PHLDB1: variants seen among roughly 807,000 people sequenced by gnomAD.
PHLDB1 encodes pleckstrin homology like domain family B member 1.
In PHLDB1, 65 loss-of-function variants were observed where a neutral mutation model predicts 139.3. The ratio of observed to expected loss-of-function variants is 0.47; its 90% CI spans 0.38 to 0.57. PHLDB1 has a LOEUF of 0.57. Ranked by LOEUF, PHLDB1 falls within the 20% of genes least tolerant of loss-of-function variation. The pLI is 0.00. For synonymous variants in PHLDB1, 679 were observed against 734.5 expected, an observed-to-expected ratio of 0.92 and a Z score of 1.22; for missense variants, 1,624 against 1,839.7, an observed-to-expected ratio of 0.88 and a Z score of 2.14.
rs1555114639 is a variant in PHLDB1 at position 118,635,450 on chromosome 11, T to C, written c.2437T>C (p.Leu813=). 1 of 1,611,864 alleles carries C rather than the reference T, an allele frequency of 6.2e-7. No homozygotes were observed. Among genetic ancestry groups the C allele is most frequent in the Admixed American group, 1.7e-5 (1 of 59,496 alleles). ...KLFEDLEFQQ[L]ERESRVEEER... ...CTTTGAGGACTTGGAGTTCCAGCAG[T>C]TGGAGCGGGAGAGCCGCGTGGAGGA... The change falls in exon 10 of 23, where the codon TTG becomes CTG. Residue 813 remains leucine, a synonymous_variant. Coordinates refer to ENST00000600882, the MANE Select transcript of PHLDB1 (RefSeq NM_001144758.3).
chr11:118,639,963 A>T, intron 12 of PHLDB1: 1 of 985,682 alleles, frequency 1.0e-6, no homozygotes, highest in Non-Finnish European at 1.2e-6. Context: ...TGTCTCTTTA[A>T]CCCCACCTGC....
Position 118,620,460 on chromosome 11 carries a change from C to A in PHLDB1, c.355+4249C>A, listed in dbSNP as rs562204676. Among the ~76,000 whole-genome samples, 1 of 152,352 alleles carries A rather than the reference C, an allele frequency of 6.6e-6. No individual in the cohort carries two copies. The highest frequency in any genetic ancestry group is 1.5e-5 in the Non-Finnish European group (1 of 68,034). The stretch of plus-strand genomic sequence containing the variant: ...TGAGCCGAGATCGCACCATTGCACT[C>A]CAGCCTGGGCAACAAGAATGAAACT... On this transcript the variant is annotated intron_variant, in intron 4 of 22. Coordinates refer to ENST00000600882, the MANE Select transcript of PHLDB1 (RefSeq NM_001144758.3). The surrounding 1 kb of genome is among the most constrained non-coding windows in gnomAD (Gnocchi z 4.1).
At position 118,611,831 on chromosome 11, in the gene PHLDB1, A is replaced by T. The variant is rs1015808026; in HGVS notation, c.-21-1985A>T. Among the ~76,000 whole-genome samples, 216 of 147,702 alleles carry T rather than the reference A, an allele frequency of 1.5e-3. 1 individual carries two copies. Among genetic ancestry groups the T allele is most frequent in the African/African-American group, 4.9e-3 (200 of 40,906 alleles). On this transcript the variant is annotated intron_variant, in intron 1 of 22. Transcript: ENST00000600882. This position sits in a 1 kb window ranked among gnomAD's most constrained non-coding sequence, Gnocchi z 4.7. ...GAAACTCCGTCTCAAAAAAAAAAAAAAAATAATAATAATAATAATAAATGG... is the reference window on the plus strand; with the variant it reads ...GAAACTCCGTCTCAAAAAAAAAAAATAAATAATAATAATAATAATAAATGG...
At position 118,628,672 on chromosome 11, in the gene PHLDB1, T is replaced by C. The variant is rs564038763; in HGVS notation, c.1827+22T>C. 4.1e-5 allele frequency: 65 copies of C among 1,594,912 alleles called. 1 individual carries two copies. In the South Asian group the frequency reaches 6.5e-4, roughly 16 times the overall value. The stretch of plus-strand genomic sequence containing the variant: ...GCTGGTGAGCGGGTGCCAGGGAGGC[T>C]TGCCACTGTCCATGGCAGAGTCTCT... On this transcript the variant is annotated intron_variant, in intron 6 of 22. Transcript: ENST00000600882.
At chr11:118,614,773 C>A in intron 3 of PHLDB1, 91 bp downstream of exon 3, 1 of 1,348,510 alleles carries the variant, frequency 7.4e-7, no homozygotes, top group Non-Finnish European at 1.0e-6. Context: ...TGTTGGGGCC[C>A]TTCTACTGTC....
chr11:118,635,424 T>C lies in PHLDB1; in HGVS notation c.2411T>C (p.Leu804Pro), dbSNP rs200089058. ...GAGGCCCTGGAGACTGAGACAAAGC[T>C]CTTTGAGGACTTGGAGTTCCAGCAG... ...EAEALETETK[L>P]FEDLEFQQLE... is the part of the protein sequence containing the mutation. The change falls in exon 10 of 23, where the codon CTC becomes CCC. Residue 804 changes from leucine (L) to proline (P), a missense_variant. Coordinates refer to ENST00000600882, the MANE Select transcript of PHLDB1 (RefSeq NM_001144758.3). 1 of 1,608,992 alleles carries C rather than the reference T, an allele frequency of 6.2e-7. No individual in the cohort carries two copies. Among genetic ancestry groups the C allele is most frequent in the Admixed American group, 1.7e-5 (1 of 58,854 alleles).
In PHLDB1 at chr11:118,608,954, AC is replaced by A. The variant is rs1166483747; in HGVS notation, c.-22+1258del. ...CACACACAACCCAGCTCACACACGT[AC>A]CCGTCACACATGAGGCCCCAGCTCA... On this transcript the variant is annotated intron_variant, in intron 1 of 22. Coordinates refer to ENST00000600882, the MANE Select transcript of PHLDB1 (RefSeq NM_001144758.3). The surrounding 1 kb of genome is among the most constrained non-coding windows in gnomAD (Gnocchi z 6.7). Among the ~76,000 whole-genome samples the A allele has an allele frequency of 1.3e-5, 2 of 149,544 alleles. No individual in the cohort carries two copies. The highest frequency in any genetic ancestry group is 5.0e-5 in the African/African-American group (2 of 40,288).
At chr11:118,624,615 TTTTG>T in intron 4 of PHLDB1, 1 of 148,710 alleles carries the variant, frequency 6.7e-6, no homozygotes, top group Non-Finnish European at 1.5e-5. Context: ...TTTTTTTTTT[TTTTG>T]AGACAGAGTT....
At position 118,607,660 on chromosome 11, in the gene PHLDB1, CT is replaced by C. The variant is rs1939386392; in HGVS notation, c.-60del. The C allele has an allele frequency of 6.6e-6, 1 of 150,862 alleles. No individual in the cohort carries two copies. Among genetic ancestry groups the C allele is most frequent in the Non-Finnish European group, 1.5e-5 (1 of 68,074 alleles). 9.3% of individuals were successfully genotyped at this position (150,862 alleles called of 1,614,324 possible). On this transcript the variant is annotated 5_prime_UTR_variant, in exon 1 of 23. Coordinates refer to ENST00000600882, the MANE Select transcript of PHLDB1 (RefSeq NM_001144758.3). Reference sequence around the variant, plus strand: ...GCCACCGCGACCGAGCCGAGCCAGGCTAAGGGACCAGTGTCTCCCTGCCCCC... The same window carrying C: ...GCCACCGCGACCGAGCCGAGCCAGGCAAGGGACCAGTGTCTCCCTGCCCCC...
At chr11:118,634,025 T>C (rs633683) in intron 9 of PHLDB1, 89,264 of 152,122 alleles carry the variant, frequency 0.59, 26,643 homozygotes, top group Admixed American at 0.72. Flanking sequence ...AGGGTTCACT[T>C]GGCTTCCCTC....
rs1555080640 is a variant in PHLDB1, at chr11:118,608,414, C to T, written c.-22+715C>T. ...GAGGCTGACCCAAGTCATCCGGGCTCCCCCGGGATAGGGAAGTGCGGGCGG... is the reference window on the plus strand; with the variant it reads ...GAGGCTGACCCAAGTCATCCGGGCTTCCCCGGGATAGGGAAGTGCGGGCGG... On this transcript the variant is annotated intron_variant, in intron 1 of 22. Transcript: ENST00000600882. This position sits in a 1 kb window ranked among gnomAD's most constrained non-coding sequence, Gnocchi z 6.7. Among the ~76,000 whole-genome samples the T allele has an allele frequency of 6.6e-6, 1 of 152,180 alleles. No individual in the cohort carries two copies. Among genetic ancestry groups the T allele is most frequent in the African/African-American group, 2.4e-5 (1 of 41,442 alleles).
At chr11:118,639,491 T>C (rs1006368206) in intron 12 of PHLDB1, 9 of 518,834 alleles carry the variant, frequency 1.7e-5, no homozygotes, top group African/African-American at 1.6e-4. Context: ...TTTTGGTGGC[T>C]GAATATATGT....
chr11:118,610,335 C>T lies in PHLDB1; in HGVS notation c.-22+2636C>T. ...CGTCCCCCTCCCCACTCGGGCGTCCCCCGCTGGGCTCCCCGCCTCAGTTTC... is the reference window on the plus strand; with the variant it reads ...CGTCCCCCTCCCCACTCGGGCGTCCTCCGCTGGGCTCCCCGCCTCAGTTTC... On this transcript the variant is annotated intron_variant, in intron 1 of 22. Coordinates refer to ENST00000600882, the MANE Select transcript of PHLDB1 (RefSeq NM_001144758.3). This position sits in a 1 kb window ranked among gnomAD's most constrained non-coding sequence, Gnocchi z 8.7. 2.1e-6 allele frequency: 1 copy of T among 473,104 alleles called. No individual in the cohort carries two copies. Among genetic ancestry groups the T allele is most frequent in the Non-Finnish European group, 2.8e-6 (1 of 361,352 alleles). 29.3% of individuals were successfully genotyped at this position (473,104 alleles called of 1,614,324 possible).
Position 118,650,106 on chromosome 11 carries a change from C to T in PHLDB1, c.3684C>T (p.Ile1228=), listed in dbSNP as rs1948139009. Residue 1228 remains isoleucine (I), a synonymous_variant, in exon 19 of 23, where the codon ATC becomes ATT. Coordinates refer to ENST00000600882, the MANE Select transcript of PHLDB1 (RefSeq NM_001144758.3). The surrounding 1 kb of genome is among the most constrained non-coding windows in gnomAD (Gnocchi z 4.7). The part of the protein sequence containing the change: ...QARPLTRYLP[I]RKEDFDLKTH... Reference sequence around the variant, plus strand: ...GACCCCTGACCCGCTACCTGCCAATCCGGAAGGAGGACTTTGACCTGAAGA... The same window carrying T: ...GACCCCTGACCCGCTACCTGCCAATTCGGAAGGAGGACTTTGACCTGAAGA... 1.2e-6 allele frequency: 2 copies of T among 1,614,082 alleles called. No individual in the cohort carries two copies. The highest frequency in any genetic ancestry group is 1.1e-5 in the South Asian group (1 of 91,096).
At chr11:118,647,667 A>T (rs1555130383) in intron 17 of PHLDB1, 1 of 259,766 alleles carries the variant, frequency 3.8e-6, no homozygotes, top group Non-Finnish European at 7.3e-6. Context: ...TGAGCGAGAT[A>T]AAAAAAAAAG....
rs1939450611 is a variant in PHLDB1 at position 118,608,042 on chromosome 11, C to T, written c.-22+343C>T. On this transcript the variant is annotated intron_variant, in intron 1 of 22. Transcript: ENST00000600882. The surrounding 1 kb of genome is among the most constrained non-coding windows in gnomAD (Gnocchi z 6.7). ...ACCCAGGCGGCCGGGCGGACACTCG[C>T]GGGGTATCGGGCGGCGAGCGCGCGC... 6.6e-6 allele frequency among the ~76,000 whole-genome samples: 1 copy of T among 152,072 alleles called. No individual in the cohort carries two copies. The highest frequency in any genetic ancestry group is 1.5e-5 in the Non-Finnish European group (1 of 67,982).
At position 118,632,360 on chromosome 11, in the gene PHLDB1, C is replaced by A; in HGVS notation, c.2379+64C>A. 3 of 1,535,824 alleles carry A rather than the reference C, an allele frequency of 2.0e-6. No individual in the cohort carries two copies. Among genetic ancestry groups the A allele is most frequent in the Non-Finnish European group, 2.7e-6 (3 of 1,113,086 alleles). ...TGGCCTGGGAGAGAAGGAGAAATGT[C>A]TTCTCTGGGGCCCTGTACCCTTCAC... is the stretch of plus-strand genomic sequence containing the variant. On this transcript the variant is annotated intron_variant, in intron 9 of 22. Coordinates refer to ENST00000600882, the MANE Select transcript of PHLDB1 (RefSeq NM_001144758.3). The surrounding 1 kb of genome is among the most constrained non-coding windows in gnomAD (Gnocchi z 5.9).
Position 118,644,616 on chromosome 11 carries a change from C to G in PHLDB1, c.3121+442C>G, listed in dbSNP as rs782253947. 1.5e-5 allele frequency: 19 copies of G among 1,277,996 alleles called. No homozygotes were observed. In the South Asian group the frequency reaches 2.4e-4, roughly 16 times the overall value. 79.2% of individuals were successfully genotyped at this position (1,277,996 alleles called of 1,614,324 possible). ...CCTCTTACCCCCTCTGTGTCTCTAC[C>G]GTACCCTCTGCCTGGGGTCCCCCAC... On this transcript the variant is annotated intron_variant, in intron 15 of 22. Coordinates refer to ENST00000600882, the MANE Select transcript of PHLDB1 (RefSeq NM_001144758.3).
intron 18 of PHLDB1, among the ~76,000 whole-genome samples, chr11:118,648,793 C>G (rs2136928013): frequency 6.6e-6 from 1 of 152,284 alleles, no homozygotes; most frequent in African/African-American, 2.4e-5. Context: ...TGTCTCTGGT[C>G]CCAAATCCTA....
Sources: gnomAD v4.1 joint callset for allele counts (sites outside exome capture counted in the v4.1 genomes callset) on GRCh38, gnomAD v4.1.1 for gene constraint, Gnocchi (gnomAD v3.1) non-coding constraint, MANE v1.5 for transcripts, NCBI Gene and HGNC (gene_info 2026-07-23, HGNC 2026-07-21) for gene names.